SH2D4A: variants seen among roughly 807,000 people sequenced by gnomAD.
The protein encoded by SH2D4A is SH2 domain-containing protein 4A.
Under a neutral mutation model 64.7 loss-of-function variants are expected in SH2D4A, and 70 were observed. That is an observed-to-expected ratio of 1.08 (90% CI 0.89 to 1.32). The LOEUF (loss-of-function observed/expected upper bound fraction) is 1.32. SH2D4A is among the 40% of genes most tolerant of loss of function. SH2D4A has a pLI of 0.00. For missense variants in SH2D4A, 706 were observed against 540.1 expected (o/e 1.31, Z -3.04); for synonymous variants, 268 against 200.7 (o/e 1.34, Z -2.83).
intron 4 of SH2D4A, among the ~76,000 whole-genome samples, chr8:19,337,284 C>T (rs762521042): frequency 1.2e-4 from 18 of 152,082 alleles, no homozygotes; most frequent in Admixed American, 2.6e-4. Flanking sequence ...TTAAAGAGGT[C>T]GTCTGCTACC....
At position 19,395,190 on chromosome 8, in the gene SH2D4A, T is replaced by G. The variant is rs1172752398; in HGVS notation, c.*548T>G. On this transcript the variant is annotated 3_prime_UTR_variant, in exon 10 of 10. Transcript: ENST00000265807. ...ACAGAAGTCATGAATGTAAATTGAATGAGAGGCTTAACATGCATGAAAATA... is the reference window on the plus strand; with the variant it reads ...ACAGAAGTCATGAATGTAAATTGAAGGAGAGGCTTAACATGCATGAAAATA... 1 of 152,168 alleles carries G rather than the reference T, an allele frequency of 6.6e-6. No homozygotes were observed. The highest frequency in any genetic ancestry group is 1.5e-5 in the Non-Finnish European group (1 of 68,038). 9.4% of individuals were successfully genotyped at this position (152,168 alleles called of 1,614,324 possible). A position where few individuals can be genotyped will look rare whatever the true frequency, so the allele number is the denominator to read the frequency against.
intron 3 of SH2D4A, among the ~76,000 whole-genome samples, chr8:19,333,890 G>A (rs189573241): frequency 3.3e-5 from 5 of 152,284 alleles, no homozygotes; most frequent in African/African-American, 7.2e-5. Flanking sequence ...ACTTGACTAC[G>A]GATGGTTCTT....
Position 19,393,510 on chromosome 8 carries a change from C to A in SH2D4A, c.1241C>A (p.Ala414Asp). The A allele has an allele frequency of 6.2e-7, 1 of 1,614,198 alleles. No individual in the cohort carries two copies. The highest frequency in any genetic ancestry group is 8.5e-7 in the Non-Finnish European group (1 of 1,180,032). ...SFLGVDQLQH[A>D]TLADLVEYHK... ...CTGGGCGTGGACCAGCTACAGCATG[C>A]CACCTTGGCGGATTTGGTGGAATAT... is the stretch of plus-strand genomic sequence containing the variant. The change falls in exon 9 of 10, where the codon GCC (alanine) becomes GAC (aspartate). Residue 414 changes from alanine to aspartate, a missense_variant. Ala to Asp is a moderately radical substitution (Grantham distance 126, BLOSUM62 -2). Coordinates refer to ENST00000265807, the MANE Select transcript of SH2D4A (RefSeq NM_022071.4).
At chr8:19,342,733 C>T (rs1015772204) in intron 4 of SH2D4A, among the ~76,000 whole-genome samples, 1 of 152,162 alleles carries the variant, frequency 6.6e-6, no homozygotes, top group Admixed American at 6.5e-5. Flanking sequence ...TGCACCTTAA[C>T]GATCACACTG....
chr8:19,393,789 C>CA (rs1236281456), intron 9 of SH2D4A, among the ~76,000 whole-genome samples: 4 of 152,044 alleles, frequency 2.6e-5, no homozygotes, highest in Admixed American at 1.3e-4. Flanking sequence ...AATGCTAAAA[C>CA]AAAAAAATAA....
chr8:19,393,240 C>A, intron 8 of SH2D4A, 78 bp from the exon 9 acceptor site: 1 of 1,309,626 alleles, frequency 7.6e-7, no homozygotes, highest in Middle Eastern at 1.8e-4. Flanking sequence ...GACTCTATAT[C>A]CATGCAGCTG....
intron 7 of SH2D4A, among the ~76,000 whole-genome samples, chr8:19,369,889 G>A (rs1325091664): frequency 1.3e-5 from 2 of 151,720 alleles, no homozygotes; most frequent in African/African-American, 4.8e-5. Context: ...TAGTTCTTGT[G>A]GTACAACAAT....
chr8:19,350,708 TC>T, intron 4 of SH2D4A, among the ~76,000 whole-genome samples: 1 of 152,250 alleles, frequency 6.6e-6, no homozygotes, highest in Non-Finnish European at 1.5e-5. Context: ...GGTCTCAAAC[TC>T]CTGGGTGCAA....
chr8:19,332,397 A>G lies in SH2D4A; in HGVS notation c.182-558A>G, dbSNP rs1381051177. ...ACACCTGTAATCCCAGCACTTTGGC[A>G]GGCTGAGGTGGGTGGATCACGAGGT... On this transcript the variant is annotated intron_variant, in intron 2 of 9. Coordinates refer to ENST00000265807, the MANE Select transcript of SH2D4A (RefSeq NM_022071.4). 3.3e-5 allele frequency among the ~76,000 whole-genome samples: 5 copies of G among 152,178 alleles called. 1 individual carries two copies. Among genetic ancestry groups the G allele is most frequent in the African/African-American group, 4.8e-5 (2 of 41,438 alleles).
At chr8:19,318,123 C>T (rs1202440642) in intron 1 of SH2D4A, among the ~76,000 whole-genome samples, 3 of 152,224 alleles carry the variant, frequency 2.0e-5, no homozygotes, top group East Asian at 3.9e-4. Flanking sequence ...TCAGACTGGT[C>T]TCGAACTCCT....
intron 3 of SH2D4A, 35 bp downstream of exon 3, chr8:19,333,149 A>C: frequency 2.5e-6 from 4 of 1,573,692 alleles, no homozygotes; most frequent in Non-Finnish European, 3.4e-6. Flanking sequence ...AGACTTAAAG[A>C]CTCTCCAGAC....
chr8:19,383,077 A>C (rs1452162308), intron 8 of SH2D4A, among the ~76,000 whole-genome samples: 1 of 151,512 alleles, frequency 6.6e-6, no homozygotes, highest in Non-Finnish European at 1.5e-5. Flanking sequence ...ATTTCATTGA[A>C]TTTCTTGGAT....
intron 7 of SH2D4A, 38 bp downstream of exon 7, chr8:19,364,320 G>T (rs751645591): frequency 6.2e-7 from 1 of 1,605,970 alleles, no homozygotes. Flanking sequence ...CATAAACATT[G>T]CAATGGGCTT....
chr8:19,393,569 C>G (rs199792193), intron 9 of SH2D4A, 28 bp downstream of exon 9: 3 of 1,606,004 alleles, frequency 1.9e-6, no homozygotes, highest in Non-Finnish European at 2.6e-6. Context: ...CTTAATTTGC[C>G]TTCTGAGTTA....
At chr8:19,358,892 G>C (rs2052835615) in intron 5 of SH2D4A, among the ~76,000 whole-genome samples, 1 of 152,076 alleles carries the variant, frequency 6.6e-6, no homozygotes, top group South Asian at 2.1e-4. Context: ...CCACACATCT[G>C]GGTCTCCACA....
chr8:19,351,530 G>A (rs1474598174), intron 4 of SH2D4A, among the ~76,000 whole-genome samples: 1 of 152,020 alleles, frequency 6.6e-6, no homozygotes, highest in Non-Finnish European at 1.5e-5. Context: ...GTGAACCCAG[G>A]AGGCGGAGCT....
At chr8:19,380,935 T>C (rs1311810976) in intron 8 of SH2D4A, among the ~76,000 whole-genome samples, 3 of 152,208 alleles carry the variant, frequency 2.0e-5, no homozygotes, top group African/African-American at 4.8e-5. Context: ...AGGGATTGCA[T>C]TGAATCTGTA....
intron 9 of SH2D4A, among the ~76,000 whole-genome samples, chr8:19,393,930 A>G (rs2053542573): frequency 6.6e-6 from 1 of 152,158 alleles, no homozygotes; most frequent in Non-Finnish European, 1.5e-5. Flanking sequence ...CATTACATTG[A>G]TTGTGCATTT....
At chr8:19,369,163 C>T (rs891289800) in intron 7 of SH2D4A, among the ~76,000 whole-genome samples, 4 of 152,054 alleles carry the variant, frequency 2.6e-5, no homozygotes, top group Non-Finnish European at 4.4e-5. Flanking sequence ...ACCATCCTTG[C>T]GTCCCTGAGA....
Sources: allele counts gnomAD v4.1 joint callset (sites outside exome capture counted in the v4.1 genomes callset), GRCh38; gene constraint gnomAD v4.1.1; transcripts MANE v1.5; gene names NCBI Gene and HGNC (gene_info 2026-07-23, HGNC 2026-07-21).